ERO1B: variants seen among roughly 807,000 people sequenced by gnomAD.
ERO1B encodes the protein endoplasmic reticulum oxidoreductase 1 beta.
ERO1B carries 49 observed loss-of-function variants against 75.3 expected under a neutral mutation model. The observed-to-expected ratio is 0.65, with a 90% CI of 0.52 to 0.83. The LOEUF is 0.83. ERO1B is among the 40% of genes least tolerant of loss of function. The probability of loss-of-function intolerance (pLI) is 0.00; values close to 1 mark genes in which losing one functional copy is unlikely to be tolerated. For missense variants in ERO1B, 512 were observed against 560.1 expected (o/e 0.91, Z 0.87); for synonymous variants, 191 against 192.9 (o/e 0.99, Z 0.08).
At chr1:236,264,861 G>A (rs1401991006) in intron 2 of ERO1B, among the ~76,000 whole-genome samples, 1 of 151,868 alleles carries the variant, frequency 6.6e-6, no homozygotes, top group Non-Finnish European at 1.5e-5. Context: ...AAAGAAGGGT[G>A]GGAGGGGAGT....
chr1:236,239,240 T>A (rs1664622076), intron 6 of ERO1B, among the ~76,000 whole-genome samples: 1 of 152,102 alleles, frequency 6.6e-6, no homozygotes, highest in Admixed American at 6.6e-5. Context: ...ATACAAGGAG[T>A]TTGCAAACTA....
chr1:236,273,875 T>A (rs1423903855), intron 1 of ERO1B, among the ~76,000 whole-genome samples: 1 of 151,310 alleles, frequency 6.6e-6, no homozygotes, highest in African/African-American at 2.4e-5. Flanking sequence ...CCGCTGAAAG[T>A]ATATGTTCAG....
chr1:236,269,802 G>C, intron 2 of ERO1B, 73 bp downstream of exon 2: 1 of 1,237,506 alleles, frequency 8.1e-7, no homozygotes, highest in Non-Finnish European at 1.2e-6. Flanking sequence ...GAACTGAAAT[G>C]GGCTTTCAAA....
At chr1:236,257,439 C>T (rs895114209) in intron 2 of ERO1B, among the ~76,000 whole-genome samples, 1 of 151,750 alleles carries the variant, frequency 6.6e-6, no homozygotes, top group African/African-American at 2.4e-5. Context: ...TGGCTTCTAA[C>T]AAGCCAGTAT....
chr1:236,240,884 T>C (rs1304353872), intron 6 of ERO1B, among the ~76,000 whole-genome samples: 3 of 152,112 alleles, frequency 2.0e-5, no homozygotes, highest in South Asian at 2.1e-4. Context: ...CAGGGAGTGA[T>C]AGTGGCTACT....
intron 7 of ERO1B, among the ~76,000 whole-genome samples, chr1:236,236,046 T>C (rs79511431): frequency 6.6e-6 from 1 of 152,106 alleles, no homozygotes; most frequent in African/African-American, 2.4e-5. Flanking sequence ...TGCCTCAGCC[T>C]CCCAAGTAGC....
At chr1:236,232,622 T>A (rs910058162) in intron 9 of ERO1B, among the ~76,000 whole-genome samples, 1 of 143,008 alleles carries the variant, frequency 7.0e-6, no homozygotes, top group Admixed American at 7.2e-5. Context: ...AACTAAGCAT[T>A]TAGGAAAAAT....
chr1:236,250,599 A>AT (rs1216024560), intron 4 of ERO1B, among the ~76,000 whole-genome samples: 13 of 62,544 alleles, frequency 2.1e-4, no homozygotes, highest in African/African-American at 6.4e-4. Context: ...ATATATATAT[A>AT]TATATATATA....
rs928431313 is a variant in ERO1B at position 236,217,417 on chromosome 1, C to G, written c.*1099G>C. 1 of 151,904 alleles carries G rather than the reference C, an allele frequency of 6.6e-6. No individual in the cohort carries two copies. The highest frequency in any genetic ancestry group is 2.4e-5 in the African/African-American group (1 of 41,222). The allele number at this position is 151,904 out of a possible 1,614,324, so 9.4% of individuals were successfully genotyped here. A position where few individuals can be genotyped will look rare whatever the true frequency, so the allele number is the denominator to read the frequency against. Reference sequence around the variant, plus strand: ...AATCACAGAAAGTACCGTTTATATACAGTGAAAAGAAAAGGTGAGGGGAGA... The same window carrying G: ...AATCACAGAAAGTACCGTTTATATAGAGTGAAAAGAAAAGGTGAGGGGAGA... On this transcript the variant is annotated 3_prime_UTR_variant, in exon 16 of 16. Coordinates refer to ENST00000354619, the MANE Select transcript of ERO1B (RefSeq NM_019891.4).
rs1558505629 is a variant in ERO1B at position 236,225,126 on chromosome 1, G to T, written c.1066C>A (p.His356Asn). The T allele has an allele frequency of 6.2e-7, 1 of 1,613,958 alleles. No individual in the cohort carries two copies. Among genetic ancestry groups the T allele is most frequent in the African/African-American group, 1.3e-5 (1 of 75,034 alleles). Residue 356 changes from histidine (H) to asparagine (N), a missense_variant, in exon 13 of 16, where the codon CAC becomes AAC. Physicochemically the swap from His to Asn is moderately conservative, Grantham distance 68. Transcript: ENST00000354619. ...IFQDTKSFPM[H>N]FDEKSMFAGD... ...GCAAACATGGATTTCTCATCAAAGT[G>T]CATGGGAAAGGACCTGATAAAATGA...
rs1664545499 is a variant in ERO1B at position 236,236,296 on chromosome 1, T to C, written c.608A>G (p.Tyr203Cys). The change falls in exon 7 of 16, where the codon TAT (tyrosine) becomes TGT (cysteine). Residue 203 changes from tyrosine to cysteine, a missense_variant. Coordinates refer to ENST00000354619, the MANE Select transcript of ERO1B (RefSeq NM_019891.4). ...TSAWRVWNSI[Y>C]EENCFKPRSV... is the part of the protein sequence containing the mutation. ...CAGTTACTTGAAACAGTTCTCTTCA[T>C]AGATGCTGTTCCACACTCTCCATGC... is the stretch of plus-strand genomic sequence containing the variant. The C allele has an allele frequency of 6.2e-7, 1 of 1,611,946 alleles. No homozygotes were observed. Among genetic ancestry groups the C allele is most frequent in the Non-Finnish European group, 8.5e-7 (1 of 1,178,642 alleles).
intron 7 of ERO1B, 114 bp downstream of exon 7, chr1:236,236,164 T>G: frequency 7.6e-7 from 1 of 1,318,470 alleles, no homozygotes; most frequent in Non-Finnish European, 1.1e-6. Flanking sequence ...TGACCTCAGA[T>G]GATCCACCCA....
At position 236,215,439 on chromosome 1, in the gene ERO1B, A is replaced by C. The variant is rs1023626485; in HGVS notation, c.*3077T>G. ...AGCCAATGCTTGCCATTATGATAAG[A>C]AACAACCTCAGACTACTTATAAATA... On this transcript the variant is annotated 3_prime_UTR_variant, in exon 16 of 16. Transcript: ENST00000354619. 1.3e-5 allele frequency: 2 copies of C among 152,194 alleles called. No individual in the cohort carries two copies. The highest frequency in any genetic ancestry group is 2.9e-5 in the Non-Finnish European group (2 of 68,024). 9.4% of individuals were successfully genotyped at this position (152,194 alleles called of 1,614,324 possible). A position where few individuals can be genotyped will look rare whatever the true frequency, so the allele number is the denominator to read the frequency against.
chr1:236,250,733 T>C (rs1665006398), intron 4 of ERO1B, among the ~76,000 whole-genome samples: 1 of 150,274 alleles, frequency 6.7e-6, no homozygotes, highest in Admixed American at 6.7e-5. Context: ...TACATATATA[T>C]ACACACACAC....
Position 236,218,281 on chromosome 1 carries a change from A to C in ERO1B, c.*235T>G, listed in dbSNP as rs1664047607. The C allele has an allele frequency of 4.2e-6, 1 of 239,878 alleles. No individual in the cohort carries two copies. Among genetic ancestry groups the C allele is most frequent in the Non-Finnish European group, 7.6e-6 (1 of 130,958 alleles). The allele number at this position is 239,878 out of a possible 1,614,324, so 14.9% of individuals were successfully genotyped here. ...TTTTCATTACATGAAAACATATGAA[A>C]TTAAACACAAAATTAGTATAACTTA... On this transcript the variant is annotated 3_prime_UTR_variant, in exon 16 of 16. Coordinates refer to ENST00000354619, the MANE Select transcript of ERO1B (RefSeq NM_019891.4).
At chr1:236,227,019 T>C (rs1664296389) in intron 10 of ERO1B, among the ~76,000 whole-genome samples, 1 of 152,120 alleles carries the variant, frequency 6.6e-6, no homozygotes, top group African/African-American at 2.4e-5. Flanking sequence ...GTTGGCAAGT[T>C]CCCATGTTAG....
At chr1:236,233,164 C>A (rs1429422363) in intron 8 of ERO1B, among the ~76,000 whole-genome samples, 2 of 151,910 alleles carry the variant, frequency 1.3e-5, no homozygotes, top group Admixed American at 1.3e-4. Flanking sequence ...CAAAAATTAG[C>A]CAGGCATGGT....
At position 236,218,326 on chromosome 1, in the gene ERO1B, CT is replaced by C; in HGVS notation, c.*189del. ...AACTTACATGTTTTAAAAGTATATA[CT>C]TCATTTATAAATATCTCTAGTTGAT... is the stretch of plus-strand genomic sequence containing the variant. On this transcript the variant is annotated 3_prime_UTR_variant, in exon 16 of 16. Coordinates refer to ENST00000354619, the MANE Select transcript of ERO1B (RefSeq NM_019891.4). The C allele has an allele frequency of 2.9e-6, 1 of 350,368 alleles. No homozygotes were observed. Among genetic ancestry groups the C allele is most frequent in the Non-Finnish European group, 4.6e-6 (1 of 215,130 alleles). 21.7% of individuals were successfully genotyped at this position (350,368 alleles called of 1,614,324 possible). A position where few individuals can be genotyped will look rare whatever the true frequency, so the allele number is the denominator to read the frequency against.
At position 236,270,514 on chromosome 1, in the gene ERO1B, T is replaced by C. The variant is rs975636470; in HGVS notation, c.103-520A>G. ...AAATTAAGGTTTAGCAACCTTAATTTTTCCAAAGTAGAAATGGAACTTATT... is the reference window on the plus strand; with the variant it reads ...AAATTAAGGTTTAGCAACCTTAATTCTTCCAAAGTAGAAATGGAACTTATT... On this transcript the variant is annotated intron_variant, in intron 1 of 15. Coordinates refer to ENST00000354619, the MANE Select transcript of ERO1B (RefSeq NM_019891.4). 2.0e-5 allele frequency among the ~76,000 whole-genome samples: 3 copies of C among 152,176 alleles called. 1 individual carries two copies. Among genetic ancestry groups the C allele is most frequent in the Non-Finnish European group, 4.4e-5 (3 of 68,028 alleles).
Sources: gnomAD v4.1 joint callset for allele counts (sites outside exome capture counted in the v4.1 genomes callset) on GRCh38, gnomAD v4.1.1 for gene constraint, MANE v1.5 for transcripts, NCBI Gene and HGNC (gene_info 2026-07-23, HGNC 2026-07-21) for gene names.